The following MROH7 variants were observed in gnomAD, a reference collection of about 807,000 sequenced individuals.
The protein encoded by MROH7 is maestro heat like repeat family member 7.
In MROH7, 113 loss-of-function variants were observed where a neutral mutation model predicts 129.2. The observed-to-expected ratio is 0.87, with a 90% CI of 0.75 to 1.02. MROH7 has a LOEUF of 1.02. Among genes scored for constraint, MROH7 ranks in the 50% least tolerant of loss-of-function variants. The pLI is 0.00. For synonymous variants in MROH7, 655 were observed against 667.9 expected (o/e 0.98, Z 0.30); for missense variants, 1,601 against 1,671.3 (o/e 0.96, Z 0.73).
Position 54,686,379 on chromosome 1 carries a change from T to A in MROH7, c.2642T>A (p.Leu881Gln). 1 of 1,614,150 alleles carries A rather than the reference T, an allele frequency of 6.2e-7. No individual in the cohort carries two copies. The highest frequency in any genetic ancestry group is 8.5e-7 in the Non-Finnish European group (1 of 1,180,034). The change falls in exon 15 of 24, where the codon CTG becomes CAG. Residue 881 changes from leucine to glutamine, a missense_variant. Leu to Gln is a moderately radical substitution (Grantham distance 113). Transcript: ENST00000421030. ...IQVHYHIGLN[L>Q]PGCVAPPKDT... ...GTCCATTACCACATCGGCCTCAACCTGCCTGGCTGCGTGGCTCCTCCCAAG... is the reference window on the plus strand; with the variant it reads ...GTCCATTACCACATCGGCCTCAACCAGCCTGGCTGCGTGGCTCCTCCCAAG...
intron 14 of MROH7, 77 bp from the exon 15 acceptor site, chr1:54,686,181 G>A: frequency 7.4e-7 from 1 of 1,342,746 alleles, no homozygotes. Context: ...ACCTCCCAGA[G>A]AGGCAGTCCA....
At chr1:54,685,509 C>T (rs945940434) in intron 14 of MROH7, among the ~76,000 whole-genome samples, 6 of 151,340 alleles carry the variant, frequency 4.0e-5, no homozygotes, top group Admixed American at 4.0e-4. Flanking sequence ...AGTCTTGTGA[C>T]ACCAGCCCAT....
At chr1:54,700,553 A>C in intron 18 of MROH7, 92 bp downstream of exon 18, 1 of 1,260,244 alleles carries the variant, frequency 7.9e-7, no homozygotes, top group Non-Finnish European at 1.1e-6. Context: ...AGAAGCCCAC[A>C]GCTGGAATGA....
rs367676842 is a variant in MROH7 at position 54,700,427 on chromosome 1, G to A, written c.3071G>A (p.Arg1024Gln). Residue 1024 changes from arginine to glutamine, a missense_variant, in exon 18 of 24, where the codon CGA becomes CAA. By Grantham distance (43) the Arg-to-Gln change is conservative. Transcript: ENST00000421030. ...HDPIMKVLSI[R>Q]GLVILARRSE... ...CCCATCATGAAGGTGCTGTCCATTC[G>A]AGGCCTGGTCATCCTGGCCCGCAGG... The A allele has an allele frequency of 2.6e-5, 42 of 1,609,570 alleles. No individual in the cohort carries two copies. The highest frequency in any genetic ancestry group is 1.1e-4 in the South Asian group (10 of 90,286).
chr1:54,675,999 A>G (rs1382139256), intron 10 of MROH7, among the ~76,000 whole-genome samples: 2 of 152,120 alleles, frequency 1.3e-5, no homozygotes, highest in African/African-American at 4.8e-5. Flanking sequence ...TATAGACCCA[A>G]TTAGGGTTGC....
rs1046027791 is a variant in MROH7 at position 54,703,991 on chromosome 1, C to T, written c.3564+1246C>T. ...GCTTGACCTTGGGCCAGGCAGTTCT[C>T]AGCCCAGGCAATGCCCAGAGTTGGG... On this transcript the variant is annotated intron_variant, in intron 21 of 23. Coordinates refer to ENST00000421030, the MANE Select transcript of MROH7 (RefSeq NM_001039464.4). This position sits in a 1 kb window ranked among gnomAD's most constrained non-coding sequence, Gnocchi z 4.4. Among the ~76,000 whole-genome samples, 1 of 152,188 alleles carries T rather than the reference C, an allele frequency of 6.6e-6. No homozygotes were observed. Among genetic ancestry groups the T allele is most frequent in the South Asian group, 2.1e-4 (1 of 4,824 alleles).
At position 54,692,484 on chromosome 1, in the gene MROH7, G is replaced by A. The variant is rs558526742; in HGVS notation, c.2772G>A (p.Thr924=). The part of the protein sequence containing the change: ...LLRMGCSYET[T]FLEDQGGWEL... ...GGATGGGCTGCTCTTATGAGACCACGTTTCTGGAGGACCAGGGTGGCTGGG... is the reference window on the plus strand; with the variant it reads ...GGATGGGCTGCTCTTATGAGACCACATTTCTGGAGGACCAGGGTGGCTGGG... The change falls in exon 16 of 24, where the codon ACG becomes ACA. Residue 924 remains threonine, a synonymous_variant. Coordinates refer to ENST00000421030, the MANE Select transcript of MROH7 (RefSeq NM_001039464.4). 43 of 1,613,774 alleles carry A rather than the reference G, an allele frequency of 2.7e-5. No individual in the cohort carries two copies. In the African/African-American group the frequency reaches 5.2e-4, roughly 20 times the overall value.
intron 3 of MROH7, among the ~76,000 whole-genome samples, chr1:54,659,921 T>C (rs1381937056): frequency 6.6e-6 from 1 of 152,240 alleles, no homozygotes; most frequent in African/African-American, 2.4e-5. Flanking sequence ...ATTAGAATTG[T>C]TCCTATTTTT....
intron 4 of MROH7, among the ~76,000 whole-genome samples, chr1:54,667,834 T>C (rs967779977): frequency 3.9e-5 from 6 of 152,088 alleles, no homozygotes; most frequent in African/African-American, 1.4e-4. Context: ...CATGTAGTCC[T>C]AGCTACTCAG....
Position 54,692,421 on chromosome 1 carries a change from CAG to C in MROH7, c.2712-2_2712-1del, listed in dbSNP as rs1471499256. On this transcript the variant is annotated splice_acceptor_variant, in intron 15 of 23. Transcript: ENST00000421030. LOFTEE classifies it high-confidence loss of function. ...TGAGGTCTTAATTGCCTTGTCTTGG[CAG>C]CTGGGTGGTGAAAGTGGTGAAAACC... 3 of 1,613,738 alleles carry C rather than the reference CAG, an allele frequency of 1.9e-6. No homozygotes were observed. In the Admixed American group the frequency reaches 5.0e-5, roughly 27 times the overall value.
At chr1:54,647,903 T>C (rs1203343977) in intron 1 of MROH7, among the ~76,000 whole-genome samples, 1 of 50,070 alleles carries the variant, frequency 2.0e-5, no homozygotes, top group Non-Finnish European at 3.7e-5. Flanking sequence ...AGACTCCATC[T>C]CAAAAAAAAA....
chr1:54,683,740 C>G (rs1221084048), intron 14 of MROH7, among the ~76,000 whole-genome samples: 1 of 152,148 alleles, frequency 6.6e-6, no homozygotes, highest in African/African-American at 2.4e-5. Context: ...GCCACGCTAT[C>G]TTGTCACAGG....
At chr1:54,707,152 A>G (rs1049217061) in intron 22 of MROH7, among the ~76,000 whole-genome samples, 7 of 152,104 alleles carry the variant, frequency 4.6e-5, no homozygotes, top group Non-Finnish European at 1.0e-4. Context: ...AACAAAAAAC[A>G]CCAAAAACAA....
At chr1:54,647,082 A>G (rs1644478258) in intron 1 of MROH7, among the ~76,000 whole-genome samples, 1 of 152,206 alleles carries the variant, frequency 6.6e-6, no homozygotes, top group Non-Finnish European at 1.5e-5. Context: ...GGCTCTCATA[A>G]GCCCCAGCTC....
At chr1:54,667,520 A>T (rs1023882740) in intron 4 of MROH7, among the ~76,000 whole-genome samples, 2 of 150,752 alleles carry the variant, frequency 1.3e-5, no homozygotes, top group African/African-American at 4.9e-5. Context: ...CAATGGTGTG[A>T]TCTCGGCTCA....
In MROH7 at chr1:54,690,469, G is replaced by T. The variant is rs567477101; in HGVS notation, c.2712-1955G>T. Among the ~76,000 whole-genome samples the T allele has an allele frequency of 6.3e-3, 929 of 147,266 alleles. 10 individuals are homozygous for T. Among genetic ancestry groups the T allele is most frequent in the Admixed American group, 9.0e-3 (129 of 14,370 alleles). On this transcript the variant is annotated intron_variant, in intron 15 of 23. Transcript: ENST00000421030. ...TTTTTTTTCCTTTTTTTTTTTAGAC[G>T]GAGTCTCACTGTCGCCCAGGCTAGA...
chr1:54,673,790 A>G lies in MROH7; in HGVS notation c.1785A>G (p.Leu595=). 6.2e-7 allele frequency: 1 copy of G among 1,613,864 alleles called. No individual in the cohort carries two copies. Among genetic ancestry groups the G allele is most frequent in the Non-Finnish European group, 8.5e-7 (1 of 1,179,760 alleles). The change falls in exon 9 of 24, where the codon CTA becomes CTG. Residue 595 remains leucine, a synonymous_variant. Transcript: ENST00000421030. The stretch of plus-strand genomic sequence containing the variant: ...TCTCTGTGTTGAACCACATGCTTCT[A>G]ACTCTGCCTTTCTTTGTGAGTGGCC... ...TNVSVLNHML[L]TLPFFMPLGF... is the part of the protein sequence containing the mutation.
Position 54,670,594 on chromosome 1 carries a change from C to A in MROH7, c.1469+18C>A. 6.2e-7 allele frequency: 1 copy of A among 1,604,262 alleles called. No individual in the cohort carries two copies. The highest frequency in any genetic ancestry group is 2.3e-5 in the East Asian group (1 of 44,404). ...CAGCTGAGGTGTCCATGGCCCTCTC[C>A]CTGTTCCCACAGCCCCTCTCCTCTC... is the stretch of plus-strand genomic sequence containing the variant. On this transcript the variant is annotated intron_variant, in intron 6 of 23. Coordinates refer to ENST00000421030, the MANE Select transcript of MROH7 (RefSeq NM_001039464.4).
rs1569876325 is a variant in MROH7 at position 54,659,456 on chromosome 1, TA to T, written c.1231+5300del. Among the ~76,000 whole-genome samples the T allele has an allele frequency of 2.7e-5, 4 of 148,370 alleles. No individual in the cohort carries two copies. The East Asian group carries it at 7.9e-4, about 29-fold the overall frequency. ...TGCCACCACTTCTGGCTAATTTTTG[TA>T]TTTTTTTTTTTTTTGAGATGGAGTT... On this transcript the variant is annotated intron_variant, in intron 3 of 23. Transcript: ENST00000421030.
Sources: allele counts gnomAD v4.1 joint callset (sites outside exome capture counted in the v4.1 genomes callset), GRCh38; gene constraint gnomAD v4.1.1; non-coding constraint Gnocchi (gnomAD v3.1); transcripts MANE v1.5; gene names NCBI Gene and HGNC (gene_info 2026-07-23, HGNC 2026-07-21).